The following KCTD16 variants were observed in gnomAD, a reference collection of about 807,000 sequenced individuals.
KCTD16 encodes BTB/POZ domain-containing protein KCTD16.
A neutral mutation model predicts 33.2 loss-of-function variants in KCTD16; 13 were observed. That is an observed-to-expected ratio of 0.39 (90% CI 0.25 to 0.62). The LOEUF (loss-of-function observed/expected upper bound fraction) is 0.62, where lower values mean the gene tolerates loss of function less well. Ranked by LOEUF, KCTD16 falls within the 20% of genes least tolerant of loss-of-function variation. KCTD16 has a pLI of 0.50. For missense variants in KCTD16, 441 were observed against 525.1 expected, an observed-to-expected ratio of 0.84 and a Z score of 1.57; for synonymous variants, 197 against 195.3, an observed-to-expected ratio of 1.01 and a Z score of -0.07.
At chr5:144,257,358 C>T (rs1754877578) in intron 3 of KCTD16, among the ~76,000 whole-genome samples, 1 of 152,170 alleles carries the variant, frequency 6.6e-6, no homozygotes, top group African/African-American at 2.4e-5. Context: ...TGGGACCAAT[C>T]TAAGAGCTCT....
chr5:144,390,368 C>T (rs1268371515), intron 3 of KCTD16, among the ~76,000 whole-genome samples: 2 of 152,022 alleles, frequency 1.3e-5, no homozygotes, highest in Admixed American at 1.3e-4. Flanking sequence ...GGAATTGGAT[C>T]TCAGAAGAGA....
Position 144,464,738 on chromosome 5 carries a change from C to CTCCTCT in KCTD16, c.833-8901_833-8896dup, listed in dbSNP as rs761370771. Among the ~76,000 whole-genome samples, 44 of 151,070 alleles carry CTCCTCT rather than the reference C, an allele frequency of 2.9e-4. 1 individual carries two copies. Among genetic ancestry groups the CTCCTCT allele is most frequent in the African/African-American group, 6.3e-4 (26 of 41,088 alleles). On this transcript the variant is annotated intron_variant, in intron 3 of 3. Coordinates refer to ENST00000512467, the MANE Select transcript of KCTD16 (RefSeq NM_020768.4). ...CTTCTTCTTCTTCCTATTCCTCTTT[C>CTCCTCT]TCCTCTTCCTCTTCCTCTTCCTCTT...
intron 3 of KCTD16, among the ~76,000 whole-genome samples, chr5:144,437,479 G>T (rs1046230409): frequency 1.4e-4 from 22 of 152,214 alleles, no homozygotes; most frequent in Admixed American, 3.9e-4. Context: ...CCTCATTAGG[G>T]TCACTCTGAG....
intron 3 of KCTD16, among the ~76,000 whole-genome samples, chr5:144,345,996 C>G (rs934663023): frequency 1.3e-5 from 2 of 151,416 alleles, no homozygotes; most frequent in East Asian, 1.9e-4. Context: ...CCACCTCCCC[C>G]CAAGTCCCTC....
intron 3 of KCTD16, among the ~76,000 whole-genome samples, chr5:144,375,529 T>C (rs1305210953): frequency 6.6e-6 from 1 of 152,136 alleles, no homozygotes; most frequent in Admixed American, 6.5e-5. Flanking sequence ...TAATGCCATA[T>C]TGACCCTGCA....
chr5:144,371,966 T>C (rs1751976754), intron 3 of KCTD16, among the ~76,000 whole-genome samples: 1 of 152,116 alleles, frequency 6.6e-6, no homozygotes, highest in African/African-American at 2.4e-5. Flanking sequence ...CTCAATTTTT[T>C]TACTCTGTTA....
chr5:144,450,178 G>T (rs1753908926), intron 3 of KCTD16, among the ~76,000 whole-genome samples: 1 of 151,892 alleles, frequency 6.6e-6, no homozygotes, highest in Non-Finnish European at 1.5e-5. Flanking sequence ...CATACAAATG[G>T]CCACCGGGTA....
chr5:144,433,536 C>G, intron 3 of KCTD16, among the ~76,000 whole-genome samples: 1 of 152,050 alleles, frequency 6.6e-6, no homozygotes. Flanking sequence ...AAAATGCTTA[C>G]CAAACAAAAC....
chr5:144,399,878 T>A (rs1433040695), intron 3 of KCTD16, among the ~76,000 whole-genome samples: 3 of 152,124 alleles, frequency 2.0e-5, no homozygotes, highest in African/African-American at 7.2e-5. Flanking sequence ...AATTAAGGAG[T>A]TTCCGGTGCT....
chr5:144,337,797 A>C (rs926837536), intron 3 of KCTD16, among the ~76,000 whole-genome samples: 5 of 152,168 alleles, frequency 3.3e-5, no homozygotes, highest in African/African-American at 1.2e-4. Context: ...CTATCTATAC[A>C]TAGTGAAGGG....
chr5:144,337,633 G>A (rs767409116), intron 3 of KCTD16, among the ~76,000 whole-genome samples: 14 of 152,140 alleles, frequency 9.2e-5, no homozygotes, highest in Non-Finnish European at 1.8e-4. Flanking sequence ...AAATGGTGTA[G>A]ATATTAACCA....
chr5:144,212,972 A>G (rs1235487503), intron 3 of KCTD16, among the ~76,000 whole-genome samples: 1 of 152,154 alleles, frequency 6.6e-6, no homozygotes, highest in Non-Finnish European at 1.5e-5. Flanking sequence ...AATCCCAGAC[A>G]TCAATTCATT....
intron 2 of KCTD16, among the ~76,000 whole-genome samples, chr5:144,186,527 A>G (rs1000660214): frequency 6.6e-6 from 1 of 152,196 alleles, no homozygotes; most frequent in Non-Finnish European, 1.5e-5. Flanking sequence ...CTAGATTTGT[A>G]GTTTTAAAAA....
At chr5:144,217,339 T>C (rs904730374) in intron 3 of KCTD16, among the ~76,000 whole-genome samples, 1 of 152,190 alleles carries the variant, frequency 6.6e-6, no homozygotes, top group Non-Finnish European at 1.5e-5. Flanking sequence ...GTGAGATTTT[T>C]TTTTCCTTAA....
intron 3 of KCTD16, among the ~76,000 whole-genome samples, chr5:144,380,932 A>G (rs1015060443): frequency 6.6e-6 from 1 of 152,204 alleles, no homozygotes; most frequent in Non-Finnish European, 1.5e-5. Flanking sequence ...AGTCTCCACA[A>G]ACAATTGTAA....
At chr5:144,210,870 A>G (rs1032330692) in intron 3 of KCTD16, among the ~76,000 whole-genome samples, 10 of 152,166 alleles carry the variant, frequency 6.6e-5, no homozygotes, top group African/African-American at 2.4e-4. Context: ...ATTTAAAGGC[A>G]TTTGCCTCTA....
chr5:144,245,682 C>T (rs942722663), intron 3 of KCTD16, among the ~76,000 whole-genome samples: 1 of 152,030 alleles, frequency 6.6e-6, no homozygotes, highest in Admixed American at 6.6e-5. Context: ...TAACATCATC[C>T]CCCTTGGAGC....
intron 3 of KCTD16, among the ~76,000 whole-genome samples, chr5:144,467,177 A>G (rs1448649450): frequency 3.4e-5 from 5 of 149,022 alleles, no homozygotes; most frequent in East Asian, 1.9e-4. Flanking sequence ...AGATTTTGCC[A>G]TTTTTCTCTC....
intron 3 of KCTD16, among the ~76,000 whole-genome samples, chr5:144,347,812 GGGATCTCTTCTGCCTGGGA>G (rs1561576040): frequency 6.6e-6 from 1 of 152,100 alleles, no homozygotes; most frequent in Non-Finnish European, 1.5e-5. Flanking sequence ...CTCATCTGGG[GGGATCTCTTCTGCCTGGGA>G]GCATGCGTTA....
Sources: allele counts gnomAD v4.1 joint callset (sites outside exome capture counted in the v4.1 genomes callset), GRCh38; gene constraint gnomAD v4.1.1; transcripts MANE v1.5; gene names NCBI Gene and HGNC (gene_info 2026-07-23, HGNC 2026-07-21).